The following HESX1 variants were observed in gnomAD, a reference collection of about 807,000 sequenced individuals.
The protein encoded by HESX1 is HESX homeobox 1, also known as homeobox expressed in ES cells 1.
A neutral mutation model predicts 22.5 loss-of-function variants in HESX1; 11 were observed. The observed-to-expected ratio is 0.49, with a 90% confidence interval of 0.31 to 0.81. HESX1 has a LOEUF of 0.81. Among genes scored for constraint, HESX1 ranks in the 30% least tolerant of loss-of-function variants. HESX1 has a pLI of 0.05. For synonymous variants in HESX1, 74 were observed against 76.5 expected (o/e 0.97, Z 0.17); for missense variants, 201 against 212.6 (o/e 0.95, Z 0.34).
intron 1 of HESX1, among the ~76,000 whole-genome samples, chr3:57,224,591 C>A (rs1183903490): frequency 2.0e-5 from 3 of 152,208 alleles, no homozygotes; most frequent in African/African-American, 7.2e-5. Flanking sequence ...ACCTACTACA[C>A]CAAAATCTTC....
chr3:57,211,550 A>AAAAAAAC (rs1559500552), intron 1 of HESX1, among the ~76,000 whole-genome samples: 1 of 147,366 alleles, frequency 6.8e-6, no homozygotes, highest in Non-Finnish European at 1.5e-5. Flanking sequence ...AAAAAAAAAA[A>AAAAAAAC]AGCCAGGCAT....
At chr3:57,204,497 A>G (rs1028147208), upstream of HESX1, among the ~76,000 whole-genome samples, 2 of 152,252 alleles carry the variant, frequency 1.3e-5, no homozygotes, top group African/African-American at 4.8e-5. Flanking sequence ...CTGGGATGTG[A>G]AAGCCTGGGC....
chr3:57,201,673 AG>A (rs540926257), upstream of HESX1, among the ~76,000 whole-genome samples: 441 of 151,126 alleles, frequency 2.9e-3, 2 homozygotes, highest in African/African-American at 0.01. Flanking sequence ...CAGGAAGTGG[AG>A]GGGTAGATGT....
intron 1 of HESX1, among the ~76,000 whole-genome samples, chr3:57,223,631 C>T (rs1324905632): frequency 1.3e-5 from 2 of 152,214 alleles, no homozygotes; most frequent in African/African-American, 4.8e-5. Flanking sequence ...TACTCTGCTA[C>T]TGGCTCTAAT....
upstream of HESX1, among the ~76,000 whole-genome samples, chr3:57,204,360 A>G (rs1462759475): frequency 6.6e-6 from 1 of 152,132 alleles, no homozygotes; most frequent in Non-Finnish European, 1.5e-5. Flanking sequence ...AGCATTTTAG[A>G]GGAAATACCT....
At chr3:57,220,077 A>T (rs1353759360) in intron 1 of HESX1, among the ~76,000 whole-genome samples, 1 of 152,184 alleles carries the variant, frequency 6.6e-6, no homozygotes, top group Admixed American at 6.5e-5. Flanking sequence ...ATAGTCCAGC[A>T]CCATTTATTA....
At chr3:57,215,789 CAAAA>C (rs1276564432) in intron 1 of HESX1, among the ~76,000 whole-genome samples, 1 of 151,860 alleles carries the variant, frequency 6.6e-6, no homozygotes, top group Non-Finnish European at 1.5e-5. Flanking sequence ...AACAAACAAA[CAAAA>C]AAACCACAGA....
In HESX1 at chr3:57,198,761, G is replaced by C. The variant is rs745685399; in HGVS notation, c.349C>G (p.Gln117Glu). The change falls in exon 2 of 4, where the codon CAA becomes GAA. Residue 117 changes from glutamine (Q) to glutamate (E), a missense_variant. Physicochemically the swap from Gln to Glu is conservative, Grantham distance 29. Transcript: ENST00000295934. ...RGRRPRTAFTQNQIEVLENVF... is the reference protein window; with the variant it reads ...RGRRPRTAFTENQIEVLENVF... ...GTGAAAAAACTTCCCACCTGGTTTTGAGTAAAAGCAGTTCTTGGTCTTCGG... is the reference window on the plus strand; with the variant it reads ...GTGAAAAAACTTCCCACCTGGTTTTCAGTAAAAGCAGTTCTTGGTCTTCGG... 7 of 1,613,660 alleles carry C rather than the reference G, an allele frequency of 4.3e-6. No homozygotes were observed. Among genetic ancestry groups the C allele is most frequent in the Non-Finnish European group, 5.9e-6 (7 of 1,179,884 alleles).
rs147388418 is a variant in HESX1, at chr3:57,212,020, C to T, written c.-110-11992G>A. ...TTCATACAGTCTTCGATCTCCCCTG[C>T]ACCCAGCACAGTGCCTGTCACATAG... is the stretch of plus-strand genomic sequence containing the variant. On this transcript the variant is annotated intron_variant, in intron 1 of 2. Transcript: ENST00000495160. 3.3e-3 allele frequency among the ~76,000 whole-genome samples: 509 copies of T among 152,286 alleles called. 5 individuals carry two copies. Among genetic ancestry groups the T allele is most frequent in the African/African-American group, 0.011 (464 of 41,546 alleles).
intron 1 of HESX1, among the ~76,000 whole-genome samples, chr3:57,216,304 T>C (rs1243333673): frequency 6.6e-6 from 1 of 152,170 alleles, no homozygotes; most frequent in Non-Finnish European, 1.5e-5. Context: ...CTTTGTAGAA[T>C]GTCCTTCATT....
At chr3:57,209,623 C>T (rs1290385192) in intron 1 of HESX1, among the ~76,000 whole-genome samples, 14 of 142,150 alleles carry the variant, frequency 9.8e-5, no homozygotes, top group African/African-American at 3.1e-4. Context: ...GGAAACAGAG[C>T]GAGACTCCAT....
At chr3:57,201,557 G>A (rs3755639), upstream of HESX1, among the ~76,000 whole-genome samples, 54,730 of 149,924 alleles carry the variant, frequency 0.37, 12,101 homozygotes, top group East Asian at 0.92. Context: ...AGTGGTGCAG[G>A]GTGGGGGGCA....
In HESX1 at chr3:57,198,142, A is replaced by C. The variant is rs1286958574; in HGVS notation, c.*55T>G. The C allele has an allele frequency of 3.7e-6, 4 of 1,082,448 alleles. 1 individual carries two copies. The highest frequency in any genetic ancestry group is 2.5e-5 in the South Asian group (2 of 78,502). 67.1% of individuals were successfully genotyped at this position (1,082,448 alleles called of 1,614,324 possible). The stretch of plus-strand genomic sequence containing the variant: ...TCACATTTTAACACTTAATATTTCC[A>C]CTGATTCTTCATGCTCTGCAATTAG... On this transcript the variant is annotated 3_prime_UTR_variant, in exon 4 of 4. Coordinates refer to ENST00000295934, the MANE Select transcript of HESX1 (RefSeq NM_003865.3).
chr3:57,218,888 G>T (rs2060599402), intron 1 of HESX1, among the ~76,000 whole-genome samples: 1 of 152,176 alleles, frequency 6.6e-6, no homozygotes, highest in African/African-American at 2.4e-5. Context: ...TCACATGCAT[G>T]TACCTTTATG....
At chr3:57,202,960 GGAA>G (rs2060498660), upstream of HESX1, among the ~76,000 whole-genome samples, 1 of 152,188 alleles carries the variant, frequency 6.6e-6, no homozygotes. Flanking sequence ...TGTTTGAGGA[GGAA>G]GAAGGCAGTA....
chr3:57,209,082 A>G (rs1346314467), intron 1 of HESX1, among the ~76,000 whole-genome samples: 1 of 152,212 alleles, frequency 6.6e-6, no homozygotes. Flanking sequence ...TTCTAAACCA[A>G]TTGAGTTTTC....
chr3:57,219,661 C>G (rs1014727427), intron 1 of HESX1, among the ~76,000 whole-genome samples: 1 of 152,010 alleles, frequency 6.6e-6, no homozygotes, highest in African/African-American at 2.4e-5. Context: ...GCCACCGCAC[C>G]TGGCCTCCTT....
chr3:57,202,211 G>A (rs1396694445), upstream of HESX1, among the ~76,000 whole-genome samples: 4 of 151,988 alleles, frequency 2.6e-5, no homozygotes, highest in East Asian at 3.9e-4. Context: ...CAGCCACCAC[G>A]CCCGGCTGGA....
intron 1 of HESX1, among the ~76,000 whole-genome samples, chr3:57,218,627 T>C (rs2060597212): frequency 6.6e-6 from 1 of 151,962 alleles, no homozygotes; most frequent in South Asian, 2.1e-4. Context: ...TATTTTTAGT[T>C]GAGACGGGTT....
Sources: gnomAD v4.1 joint callset for allele counts (sites outside exome capture counted in the v4.1 genomes callset) on GRCh38, gnomAD v4.1.1 for gene constraint, MANE v1.5 for transcripts, NCBI Gene and HGNC (gene_info 2026-07-23, HGNC 2026-07-21) for gene names.